PHLPP1: variants seen among roughly 807,000 people sequenced by gnomAD.
PHLPP1 encodes PH domain and leucine rich repeat protein phosphatase 1, also known as PH domain leucine-rich repeat-containing protein phosphatase 1.
In PHLPP1, 42 loss-of-function variants were observed where a neutral mutation model predicts 117.2. The observed-to-expected ratio is 0.36, with a 90% CI of 0.28 to 0.46. PHLPP1 has a LOEUF of 0.46. Among genes scored for constraint, PHLPP1 ranks in the 20% least tolerant of loss-of-function variants. The pLI is 1.00. For missense variants in PHLPP1, 2,084 were observed against 2,241.9 expected (o/e 0.93, Z 1.42); for synonymous variants, 1,042 against 970.7 (o/e 1.07, Z -1.37).
chr18:62,791,191 G>GTAGTTTTTAAAAA (rs1913446275), intron 1 of PHLPP1, among the ~76,000 whole-genome samples: 2 of 152,042 alleles, frequency 1.3e-5, no homozygotes, highest in Admixed American at 1.3e-4. Flanking sequence ...AATTTTGTGG[G>GTAGTTTTTAAAAA]ATGATTGGAT....
At chr18:62,797,865 C>G (rs1025099749) in intron 1 of PHLPP1, among the ~76,000 whole-genome samples, 4 of 152,070 alleles carry the variant, frequency 2.6e-5, no homozygotes, top group Admixed American at 2.6e-4. Context: ...CCTGAGGACA[C>G]TATAAGACTG....
intron 1 of PHLPP1, among the ~76,000 whole-genome samples, chr18:62,801,098 G>A (rs1913769697): frequency 7.3e-6 from 1 of 137,770 alleles, no homozygotes; most frequent in South Asian, 2.5e-4. Flanking sequence ...TCCCAGGCTG[G>A]AGTGCAGTGG....
At chr18:62,844,102 T>C (rs1915117239) in intron 3 of PHLPP1, among the ~76,000 whole-genome samples, 1 of 152,130 alleles carries the variant, frequency 6.6e-6, no homozygotes, top group Non-Finnish European at 1.5e-5. Context: ...ATCCCAACAC[T>C]GTGGGAGGCT....
intron 1 of PHLPP1, among the ~76,000 whole-genome samples, chr18:62,798,556 T>C (rs1404390485): frequency 1.3e-5 from 2 of 152,204 alleles, no homozygotes; most frequent in Non-Finnish European, 2.9e-5. Context: ...GAAAGACCCT[T>C]TTAAAAGTCT....
chr18:62,831,023 T>A (rs1305826000), intron 2 of PHLPP1, among the ~76,000 whole-genome samples: 2 of 152,200 alleles, frequency 1.3e-5, no homozygotes, highest in African/African-American at 4.8e-5. Context: ...AAATTTTGAA[T>A]CTTAAATGTT....
At chr18:62,737,841 A>G (rs1911412502) in intron 1 of PHLPP1, among the ~76,000 whole-genome samples, 2 of 152,158 alleles carry the variant, frequency 1.3e-5, no homozygotes, top group African/African-American at 4.8e-5. Context: ...CAGATGAAGA[A>G]CCATGAACAT....
In PHLPP1 at chr18:62,737,089, A is replaced by T. The variant is rs143771624; in HGVS notation, c.1576+19830A>T. Reference sequence around the variant, plus strand: ...TTGAAATGCCTTATTGGAGGCATTTACACAGTGCCAGGGGAATCCAGAAAG... The same window carrying T: ...TTGAAATGCCTTATTGGAGGCATTTTCACAGTGCCAGGGGAATCCAGAAAG... On this transcript the variant is annotated intron_variant, in intron 1 of 16. Coordinates refer to ENST00000262719, the MANE Select transcript of PHLPP1 (RefSeq NM_194449.4). Among the ~76,000 whole-genome samples the T allele has an allele frequency of 2.9e-3, 446 of 152,342 alleles. 5 individuals carry two copies. The highest frequency in any genetic ancestry group is 0.01 in the African/African-American group (426 of 41,590).
chr18:62,971,538 G>A (rs1197775286), intron 14 of PHLPP1, among the ~76,000 whole-genome samples: 1 of 151,986 alleles, frequency 6.6e-6, no homozygotes, highest in African/African-American at 2.4e-5. Context: ...GTGGACTCTG[G>A]CCACCTTGTC....
At chr18:62,775,663 T>C (rs1912930730) in intron 1 of PHLPP1, among the ~76,000 whole-genome samples, 1 of 152,234 alleles carries the variant, frequency 6.6e-6, no homozygotes, top group Non-Finnish European at 1.5e-5. Flanking sequence ...ACACTATCAT[T>C]CACCTAGTTG....
rs1231198962 is a variant in PHLPP1, at chr18:62,778,296, C to T, written c.1577-51739C>T. Among the ~76,000 whole-genome samples, 3 of 152,112 alleles carry T rather than the reference C, an allele frequency of 2.0e-5. No homozygotes were observed. The South Asian group carries it at 6.2e-4, about 31-fold the overall frequency. Reference sequence around the variant, plus strand: ...AAAAGACAGCGCTGGAAATCATTGACTTGAAGGGCAGACTGGGCAGCCAGT... The same window carrying T: ...AAAAGACAGCGCTGGAAATCATTGATTTGAAGGGCAGACTGGGCAGCCAGT... On this transcript the variant is annotated intron_variant, in intron 1 of 16. Coordinates refer to ENST00000262719, the MANE Select transcript of PHLPP1 (RefSeq NM_194449.4).
At chr18:62,901,943 C>G (rs1332965335) in intron 6 of PHLPP1, among the ~76,000 whole-genome samples, 1 of 152,100 alleles carries the variant, frequency 6.6e-6, no homozygotes, top group Admixed American at 6.6e-5. Context: ...TAATACTTTT[C>G]TAAACAAGTG....
intron 1 of PHLPP1, among the ~76,000 whole-genome samples, chr18:62,730,653 C>T (rs977119951): frequency 2.0e-5 from 3 of 151,934 alleles, no homozygotes; most frequent in Non-Finnish European, 2.9e-5. Context: ...GAAACCCTGT[C>T]ACTACTAAAA....
At chr18:62,721,076 G>T (rs1910901231) in intron 1 of PHLPP1, among the ~76,000 whole-genome samples, 1 of 152,112 alleles carries the variant, frequency 6.6e-6, no homozygotes, top group African/African-American at 2.4e-5. Context: ...TTTTCCCTTG[G>T]TTAAAAGCAT....
intron 3 of PHLPP1, among the ~76,000 whole-genome samples, chr18:62,854,240 CAG>C (rs1915437075): frequency 1.3e-5 from 2 of 152,320 alleles, no homozygotes; most frequent in Admixed American, 1.3e-4. Flanking sequence ...CTTTCTGTAA[CAG>C]AGATTTGAGG....
chr18:62,935,352 AAC>A (rs1287595304), intron 10 of PHLPP1, among the ~76,000 whole-genome samples: 1 of 152,214 alleles, frequency 6.6e-6, no homozygotes, highest in Non-Finnish European at 1.5e-5. Flanking sequence ...AAAACGTTAA[AAC>A]ACTTCTGAAA....
At chr18:62,958,593 C>T (rs1341468248) in intron 12 of PHLPP1, 36 bp from the exon 13 acceptor site, 2 of 1,611,002 alleles carry the variant, frequency 1.2e-6, no homozygotes, top group Non-Finnish European at 8.5e-7. Flanking sequence ...CTTCTCTAGA[C>T]CATCTCTTTC....
intron 3 of PHLPP1, among the ~76,000 whole-genome samples, chr18:62,848,009 A>C (rs1213998889): frequency 6.6e-6 from 1 of 152,224 alleles, no homozygotes; most frequent in Non-Finnish European, 1.5e-5. Flanking sequence ...GCTCCTTAGC[A>C]GTCTATTTTC....
rs571871699 is a variant in PHLPP1 at position 62,879,908 on chromosome 18, G to GA, written c.2067-15101dup. Among the ~76,000 whole-genome samples, 384 of 151,784 alleles carry GA rather than the reference G, an allele frequency of 2.5e-3. 1 individual carries two copies. The highest frequency in any genetic ancestry group is 8.9e-3 in the African/African-American group (367 of 41,380). ...GTCTTCCAGTCCCCCTCTGTCTATT[G>GA]AACTCCTACTCATGTTCCTTAGGTA... On this transcript the variant is annotated intron_variant, in intron 4 of 16. Coordinates refer to ENST00000262719, the MANE Select transcript of PHLPP1 (RefSeq NM_194449.4).
chr18:62,796,738 A>G (rs1267261670), intron 1 of PHLPP1, among the ~76,000 whole-genome samples: 1 of 152,240 alleles, frequency 6.6e-6, no homozygotes, highest in Admixed American at 6.5e-5. Flanking sequence ...GACAAGAGAA[A>G]GCATTTGAGC....
Sources: allele counts gnomAD v4.1 joint callset (sites outside exome capture counted in the v4.1 genomes callset), GRCh38; gene constraint gnomAD v4.1.1; transcripts MANE v1.5; gene names NCBI Gene and HGNC (gene_info 2026-07-23, HGNC 2026-07-21).